The following SPOCK1 variants were observed in gnomAD, a reference collection of about 807,000 sequenced individuals.
SPOCK1 encodes the protein testican-1.
Under a neutral mutation model 55.3 loss-of-function variants are expected in SPOCK1, and 23 were observed. The ratio of observed to expected loss-of-function variants is 0.42; its 90% confidence interval spans 0.30 to 0.59. The LOEUF is 0.59. Among genes scored for constraint, SPOCK1 ranks in the 20% least tolerant of loss-of-function variants. SPOCK1 has a pLI of 0.22. For missense variants in SPOCK1, 499 were observed against 552.5 expected (o/e 0.90, Z 0.97); for synonymous variants, 226 against 221.0 (o/e 1.02, Z -0.20).
intron 2 of SPOCK1, among the ~76,000 whole-genome samples, chr5:137,336,991 G>C (rs1750295455): frequency 6.6e-6 from 1 of 152,170 alleles, no homozygotes; most frequent in South Asian, 2.1e-4. Flanking sequence ...AGCTCCCCCA[G>C]GGCAAAGACC....
At chr5:137,128,338 C>T (rs1687341116) in intron 4 of SPOCK1, among the ~76,000 whole-genome samples, 1 of 152,204 alleles carries the variant, frequency 6.6e-6, no homozygotes, top group Non-Finnish European at 1.5e-5. Flanking sequence ...AAGATAACAA[C>T]TGACATTAAA....
At chr5:137,341,236 T>C (rs1750417075) in intron 2 of SPOCK1, among the ~76,000 whole-genome samples, 2 of 152,268 alleles carry the variant, frequency 1.3e-5, no homozygotes, top group Admixed American at 1.3e-4. Flanking sequence ...AGACAAGTTC[T>C]ATCCTCTCCT....
chr5:137,230,728 A>G (rs10058417), intron 3 of SPOCK1, among the ~76,000 whole-genome samples: 22,923 of 140,938 alleles, frequency 0.16, 2,531 homozygotes, highest in South Asian at 0.24. Context: ...ATCACATCAT[A>G]TCTTTTTATT....
chr5:137,110,964 A>C (rs1427944024), intron 5 of SPOCK1, among the ~76,000 whole-genome samples: 26 of 152,186 alleles, frequency 1.7e-4, no homozygotes, highest in Admixed American at 1.5e-3. Flanking sequence ...TGTTTGTAAG[A>C]AGCACATTTT....
intron 5 of SPOCK1, among the ~76,000 whole-genome samples, chr5:137,068,476 A>G (rs1752550500): frequency 6.6e-6 from 1 of 152,252 alleles, no homozygotes; most frequent in Admixed American, 6.5e-5. Flanking sequence ...TTAGAAGCCC[A>G]TAATCCACAT....
At chr5:137,029,083 T>G (rs1751730351) in intron 6 of SPOCK1, among the ~76,000 whole-genome samples, 1 of 152,182 alleles carries the variant, frequency 6.6e-6, no homozygotes, top group Admixed American at 6.5e-5. Flanking sequence ...AATTATAATC[T>G]GGCTCTCAGA....
At chr5:137,204,361 G>A (rs996418455) in intron 3 of SPOCK1, among the ~76,000 whole-genome samples, 1 of 152,108 alleles carries the variant, frequency 6.6e-6, no homozygotes, top group Non-Finnish European at 1.5e-5. Flanking sequence ...CTGTGTCTGG[G>A]AGAGCGCACT....
At chr5:137,021,321 C>T (rs997285733) in intron 6 of SPOCK1, among the ~76,000 whole-genome samples, 1 of 151,936 alleles carries the variant, frequency 6.6e-6, no homozygotes, top group African/African-American at 2.4e-5. Context: ...CAAAACTGAA[C>T]AAAATATCAT....
chr5:136,994,544 T>G (rs1580698493), intron 6 of SPOCK1, among the ~76,000 whole-genome samples: 1 of 106,176 alleles, frequency 9.4e-6, no homozygotes, highest in South Asian at 2.6e-4. Flanking sequence ...TGATTTTGAT[T>G]ATTATTACTA....
intron 2 of SPOCK1, among the ~76,000 whole-genome samples, chr5:137,304,208 C>T (rs1025401028): frequency 3.3e-5 from 5 of 151,816 alleles, no homozygotes; most frequent in Admixed American, 6.6e-5. Flanking sequence ...ATTTTACATC[C>T]ATAAGAAACG....
chr5:137,385,063 G>C (rs1751571241), intron 2 of SPOCK1, among the ~76,000 whole-genome samples: 1 of 152,048 alleles, frequency 6.6e-6, no homozygotes, highest in South Asian at 2.1e-4. Context: ...CACAGTATCA[G>C]GCACATTGTA....
rs192749028 is a variant in SPOCK1 at position 137,041,224 on chromosome 5, A to G, written c.589+26491T>C. 4.9e-4 allele frequency among the ~76,000 whole-genome samples: 74 copies of G among 152,372 alleles called. No individual in the cohort carries two copies. The East Asian group carries it at 8.7e-3, about 18-fold the overall frequency. On this transcript the variant is annotated intron_variant, in intron 6 of 10. Coordinates refer to ENST00000394945, the MANE Select transcript of SPOCK1 (RefSeq NM_004598.4). The stretch of plus-strand genomic sequence containing the variant: ...GATTTTTTTTAAAGGCACAAAAGCA[A>G]GGAAAGGATAGTCATTTCAATAAAC...
intron 2 of SPOCK1, among the ~76,000 whole-genome samples, chr5:137,496,017 TA>T (rs1401743641): frequency 6.6e-6 from 1 of 152,182 alleles, no homozygotes; most frequent in East Asian, 1.9e-4. Context: ...GTTTAATGTC[TA>T]AAACCGCTCC....
chr5:137,011,935 T>C lies in SPOCK1; in HGVS notation c.590-19335A>G, dbSNP rs148097306. ...TGTTCATCAACATCAACACCAGGAGTCCCGAGAGTTGCCATATATTAAACA... is the reference window on the plus strand; with the variant it reads ...TGTTCATCAACATCAACACCAGGAGCCCCGAGAGTTGCCATATATTAAACA... On this transcript the variant is annotated intron_variant, in intron 6 of 10. Coordinates refer to ENST00000394945, the MANE Select transcript of SPOCK1 (RefSeq NM_004598.4). 4.0e-3 allele frequency among the ~76,000 whole-genome samples: 610 copies of C among 152,232 alleles called. 3 individuals are homozygous for C. Among genetic ancestry groups the C allele is most frequent in the African/African-American group, 0.014 (567 of 41,546 alleles).
At chr5:137,256,160 T>C (rs981299102) in intron 3 of SPOCK1, among the ~76,000 whole-genome samples, 4 of 152,192 alleles carry the variant, frequency 2.6e-5, no homozygotes, top group Non-Finnish European at 4.4e-5. Context: ...GTATGGATTT[T>C]TGAGTATGAG....
chr5:137,198,157 A>T (rs1306214846), intron 3 of SPOCK1, among the ~76,000 whole-genome samples: 3 of 152,236 alleles, frequency 2.0e-5, no homozygotes, highest in South Asian at 2.1e-4. Flanking sequence ...AATGTAAAAA[A>T]GTTTCACATA....
At chr5:137,248,369 G>C (rs1038227147) in intron 3 of SPOCK1, among the ~76,000 whole-genome samples, 1 of 152,060 alleles carries the variant, frequency 6.6e-6, no homozygotes, top group African/African-American at 2.4e-5. Flanking sequence ...GCACCTTTCT[G>C]CACTTGGGTC....
intron 3 of SPOCK1, among the ~76,000 whole-genome samples, chr5:137,248,086 C>T (rs1439283010): frequency 6.6e-6 from 1 of 152,158 alleles, no homozygotes; most frequent in African/African-American, 2.4e-5. Context: ...TTACCTATTT[C>T]CCTACACATA....
intron 6 of SPOCK1, among the ~76,000 whole-genome samples, chr5:137,035,503 G>A (rs576727214): frequency 6.6e-6 from 1 of 152,342 alleles, no homozygotes; most frequent in Admixed American, 6.5e-5. Flanking sequence ...GAAGGGAGAG[G>A]AGGAGATGCA....
Sources: allele counts gnomAD v4.1 joint callset (sites outside exome capture counted in the v4.1 genomes callset), GRCh38; gene constraint gnomAD v4.1.1; transcripts MANE v1.5; gene names NCBI Gene and HGNC (gene_info 2026-07-23, HGNC 2026-07-21).